The following CCDC102A variants were observed in gnomAD, a reference collection of about 807,000 sequenced individuals.
The protein encoded by CCDC102A is coiled-coil domain-containing protein 102A.
Under a neutral mutation model 55.5 loss-of-function variants are expected in CCDC102A, and 40 were observed. That is an observed-to-expected ratio of 0.72 (90% CI 0.56 to 0.94). The LOEUF is 0.94. CCDC102A is among the 40% of genes least tolerant of loss of function. The pLI, the probability that CCDC102A is intolerant of heterozygous loss-of-function variation, is 0.00. For synonymous variants in CCDC102A, 323 were observed against 339.0 expected (o/e 0.95, Z 0.52); for missense variants, 779 against 768.6 (o/e 1.01, Z -0.16).
chr16:57,513,052 G>A (rs188822984), intron 8 of CCDC102A, among the ~76,000 whole-genome samples, 182 bp from the exon 9 acceptor site: 114 of 152,308 alleles, frequency 7.5e-4, no homozygotes, highest in African/African-American at 2.6e-3. Context: ...CAAGGAAACC[G>A]AGGCACAGAA....
chr16:57,521,198 G>A (rs766491894), intron 3 of CCDC102A, 22 bp from the exon 4 acceptor site: 3 of 1,584,178 alleles, frequency 1.9e-6, no homozygotes, highest in South Asian at 2.2e-5. Flanking sequence ...ACAGACATGG[G>A]GGTGAGCCCA....
chr16:57,529,811 C>T lies in CCDC102A; in HGVS notation c.-147-487G>A, dbSNP rs965337067. On this transcript the variant is annotated intron_variant, in intron 1 of 8. Coordinates refer to ENST00000258214, the MANE Select transcript of CCDC102A (RefSeq NM_033212.4). This position sits in a 1 kb window ranked among gnomAD's most constrained non-coding sequence, Gnocchi z 4.1. Reference sequence around the variant, plus strand: ...GTGTCTCCATCACTGCACTAACTTACCCTGTCATTTATGTGTCTGCTGTGT... The same window carrying T: ...GTGTCTCCATCACTGCACTAACTTATCCTGTCATTTATGTGTCTGCTGTGT... Among the ~76,000 whole-genome samples, 2 of 152,198 alleles carry T rather than the reference C, an allele frequency of 1.3e-5. No individual in the cohort carries two copies. Among genetic ancestry groups the T allele is most frequent in the Admixed American group, 6.5e-5 (1 of 15,282 alleles).
At chr16:57,531,416 T>A (rs2032260718) in intron 1 of CCDC102A, among the ~76,000 whole-genome samples, 1 of 152,034 alleles carries the variant, frequency 6.6e-6, no homozygotes, top group South Asian at 2.1e-4. Flanking sequence ...TCCACCTTCT[T>A]TGTCCACAGT....
chr16:57,521,220 T>C (rs1213036733), intron 3 of CCDC102A, 44 bp from the exon 4 acceptor site: 1 of 1,461,328 alleles, frequency 6.8e-7, no homozygotes, highest in Non-Finnish European at 9.5e-7. Flanking sequence ...CAAGGCCCTC[T>C]GCTTGGAGTC....
intron 1 of CCDC102A, among the ~76,000 whole-genome samples, chr16:57,535,196 C>T (rs2032348020): frequency 6.6e-6 from 1 of 152,228 alleles, no homozygotes; most frequent in South Asian, 2.1e-4. Flanking sequence ...GCACCTGTCC[C>T]TGTGACCTGC....
intron 4 of CCDC102A, 98 bp from the exon 5 acceptor site, chr16:57,518,839 A>G: frequency 1.1e-6 from 1 of 876,346 alleles, no homozygotes; most frequent in Non-Finnish European, 1.8e-6. Context: ...CTCAGCGTGG[A>G]GCCAAGGCAG....
At position 57,529,196 on chromosome 16, in the gene CCDC102A, C is replaced by G. The variant is rs2032205799; in HGVS notation, c.-19G>C. The G allele has an allele frequency of 2.2e-5, 26 of 1,175,162 alleles. No individual in the cohort carries two copies. The East Asian group carries it at 9.4e-4, about 43-fold the overall frequency. 72.8% of individuals were successfully genotyped at this position (1,175,162 alleles called of 1,614,324 possible). A position where few individuals can be genotyped will look rare whatever the true frequency, so the allele number is the denominator to read the frequency against. ...GGCTCATGGTGCGGCCGGGCGGGCC[C>G]TGAGCTCGAACTCGCGGTCGGGCTC... On this transcript the variant is annotated 5_prime_UTR_variant, in exon 2 of 9. Coordinates refer to ENST00000258214, the MANE Select transcript of CCDC102A (RefSeq NM_033212.4). This position sits in a 1 kb window ranked among gnomAD's most constrained non-coding sequence, Gnocchi z 4.1.
Position 57,525,935 on chromosome 16 carries a change from C to T in CCDC102A, c.778G>A (p.Asp260Asn), listed in dbSNP as rs759662145. ...SKLTALRLRL[D>N]ESQKVLLKER... ...TTGAGCAGCACCTTCTGGGACTCAT[C>T]CAGCCGTAGCCGCAGGGCGGTCAAC... The change falls in exon 3 of 9, where the codon GAT becomes AAT. Residue 260 changes from aspartate to asparagine, a missense_variant. Physicochemically the swap from Asp to Asn is conservative, Grantham distance 23. Transcript: ENST00000258214. The T allele has an allele frequency of 4.3e-6, 7 of 1,612,278 alleles. No individual in the cohort carries two copies. The highest frequency in any genetic ancestry group is 2.7e-5 in the African/African-American group (2 of 74,860).
intron 6 of CCDC102A, among the ~76,000 whole-genome samples, chr16:57,517,297 A>G (rs1395957847): frequency 1.3e-5 from 2 of 151,968 alleles, no homozygotes; most frequent in Non-Finnish European, 2.9e-5. Flanking sequence ...CCTCCCCTAA[A>G]TCCGCACACT....
intron 8 of CCDC102A, among the ~76,000 whole-genome samples, chr16:57,514,862 A>C (rs2031925887): frequency 6.6e-6 from 1 of 152,142 alleles, no homozygotes; most frequent in South Asian, 2.1e-4. Context: ...TGGGACAGAG[A>C]CAGGGTTGGG....
At chr16:57,536,141 A>G (rs1343669311) in intron 1 of CCDC102A, among the ~76,000 whole-genome samples, 2 of 151,016 alleles carry the variant, frequency 1.3e-5, no homozygotes, top group African/African-American at 4.9e-5. Flanking sequence ...CCGCCCGTCC[A>G]TCCCGCATTC....
chr16:57,515,862 C>T (rs2031945890), intron 7 of CCDC102A, among the ~76,000 whole-genome samples: 1 of 151,578 alleles, frequency 6.6e-6, no homozygotes. Context: ...CACCTATCTT[C>T]CCGTCAACCT....
rs2032133080 is a variant in CCDC102A at position 57,525,950 on chromosome 16, G to A, written c.763C>T (p.Leu255=). 6.2e-7 allele frequency: 1 copy of A among 1,612,492 alleles called. No individual in the cohort carries two copies. Among genetic ancestry groups the A allele is most frequent in the Middle Eastern group, 1.7e-4 (1 of 6,052 alleles). The part of the protein sequence containing the change: ...TEEEASKLTA[L]RLRLDESQKV... ...TGGGACTCATCCAGCCGTAGCCGCA[G>A]GGCGGTCAACTTGGAGGCCTCCTCC... Residue 255 remains leucine (L), a synonymous_variant, in exon 3 of 9, where the codon CTG becomes TTG. Coordinates refer to ENST00000258214, the MANE Select transcript of CCDC102A (RefSeq NM_033212.4).
At chr16:57,522,842 A>C (rs1376432585) in intron 3 of CCDC102A, among the ~76,000 whole-genome samples, 1 of 152,194 alleles carries the variant, frequency 6.6e-6, no homozygotes, top group African/African-American at 2.4e-5. Flanking sequence ...AGCTATGCCC[A>C]AGCACTCCCA....
intron 1 of CCDC102A, among the ~76,000 whole-genome samples, chr16:57,533,673 C>G (rs956987534): frequency 4.0e-5 from 6 of 151,842 alleles, no homozygotes; most frequent in Non-Finnish European, 8.8e-5. Flanking sequence ...GACCTGCACT[C>G]ACACACAGCC....
Position 57,512,512 on chromosome 16 carries a change from G to A in CCDC102A, c.*229C>T, listed in dbSNP as rs2031879908. ...CAAATGGGTCCAAAGACTTCTGGGT[G>A]TGCGCGCGCGCGCGCGCGTGTGTGT... is the stretch of plus-strand genomic sequence containing the variant. On this transcript the variant is annotated 3_prime_UTR_variant, in exon 9 of 9. Coordinates refer to ENST00000258214, the MANE Select transcript of CCDC102A (RefSeq NM_033212.4). 5 of 451,202 alleles carry A rather than the reference G, an allele frequency of 1.1e-5. No homozygotes were observed. Among genetic ancestry groups the A allele is most frequent in the African/African-American group, 4.2e-5 (2 of 47,748 alleles). 27.9% of individuals were successfully genotyped at this position (451,202 alleles called of 1,614,324 possible).
chr16:57,517,610 C>T (rs547115053), intron 6 of CCDC102A, among the ~76,000 whole-genome samples: 52 of 152,344 alleles, frequency 3.4e-4, no homozygotes, highest in Middle Eastern at 3.4e-3. Context: ...TCCCAAAGTG[C>T]TGAGATTACA....
rs770034749 is a variant in CCDC102A at position 57,528,773 on chromosome 16, C to G, written c.405G>C (p.Glu135Asp). The change falls in exon 2 of 9, where the codon GAG becomes GAC. Residue 135 changes from glutamate to aspartate, a missense_variant. Transcript: ENST00000258214. ...GGCGCTCGCGCCGTGCGCCCGCCAG[C>G]TCCTTGGTGAGCGCGTCCAGGCGCT... ...LRQRLDALTKELAGARRERQE... is the reference protein window; with the variant it reads ...LRQRLDALTKDLAGARRERQE... The G allele has an allele frequency of 1.0e-5, 12 of 1,196,876 alleles. No individual in the cohort carries two copies. The Admixed American group carries it at 4.7e-4, about 47-fold the overall frequency. The allele number at this position is 1,196,876 out of a possible 1,614,324, so 74.1% of individuals were successfully genotyped here.
chr16:57,525,304 T>C (rs2032120013), intron 3 of CCDC102A, among the ~76,000 whole-genome samples: 1 of 152,128 alleles, frequency 6.6e-6, no homozygotes, highest in African/African-American at 2.4e-5. Context: ...ATTCACCATG[T>C]TGGTCAGGCA....
Sources: gnomAD v4.1 joint callset for allele counts (sites outside exome capture counted in the v4.1 genomes callset) on GRCh38, gnomAD v4.1.1 for gene constraint, Gnocchi (gnomAD v3.1) non-coding constraint, MANE v1.5 for transcripts, NCBI Gene and HGNC (gene_info 2026-07-23, HGNC 2026-07-21) for gene names.